The following MIGA1 variants were observed in gnomAD, a reference collection of about 807,000 sequenced individuals.
The protein encoded by MIGA1 is mitoguardin 1, also known as family with sequence similarity 73, member A.
MIGA1 carries 58 observed loss-of-function variants against 82.0 expected under a neutral mutation model. The ratio of observed to expected loss-of-function variants is 0.71; its 90% CI spans 0.57 to 0.88. The LOEUF (loss-of-function observed/expected upper bound fraction) is 0.88. Among genes scored for constraint, MIGA1 ranks in the 40% least tolerant of loss-of-function variants. The pLI is 0.00. For synonymous variants in MIGA1, 249 were observed against 253.6 expected, an observed-to-expected ratio of 0.98 and a Z score of 0.17; for missense variants, 751 against 749.1, an observed-to-expected ratio of 1.00 and a Z score of -0.03.
intron 7 of MIGA1, among the ~76,000 whole-genome samples, chr1:77,821,133 TA>T (rs35171376): frequency 0.59 from 85,907 of 146,386 alleles, 26,727 homozygotes; most frequent in Non-Finnish European, 0.7. Context: ...GACTCCGTCT[TA>T]AAAAAAAAAA....
At chr1:77,783,775 A>T (rs1432188367) in intron 2 of MIGA1, among the ~76,000 whole-genome samples, 1 of 152,092 alleles carries the variant, frequency 6.6e-6, no homozygotes, top group Admixed American at 6.6e-5. Flanking sequence ...AATATCCAGA[A>T]TTTTTTTCAT....
intron 14 of MIGA1, among the ~76,000 whole-genome samples, chr1:77,871,125 G>GGAAGGA (rs1553229462): frequency 1.2e-4 from 9 of 74,258 alleles, no homozygotes; most frequent in East Asian, 1.1e-3. Flanking sequence ...GAGAGGGAGA[G>GGAAGGA]GAGGGAGAGG....
chr1:77,828,857 G>C (rs971335206), intron 7 of MIGA1, among the ~76,000 whole-genome samples: 4 of 152,016 alleles, frequency 2.6e-5, no homozygotes, highest in African/African-American at 9.7e-5. Flanking sequence ...TGTATTTTTT[G>C]TAGACATGGG....
intron 7 of MIGA1, among the ~76,000 whole-genome samples, chr1:77,824,539 CAGTG>C (rs1250627275): frequency 6.6e-6 from 1 of 152,160 alleles, no homozygotes; most frequent in Non-Finnish European, 1.5e-5. Context: ...GCCTGAGAAA[CAGTG>C]AGACTCAGTC....
At chr1:77,790,354 C>T (rs1682361598) in intron 2 of MIGA1, among the ~76,000 whole-genome samples, 1 of 152,210 alleles carries the variant, frequency 6.6e-6, no homozygotes, top group Admixed American at 6.5e-5. Context: ...GCAAGCTCCG[C>T]CTCCCGGGTT....
chr1:77,860,938 T>C (rs1020026790), intron 11 of MIGA1: 7 of 287,732 alleles, frequency 2.4e-5, no homozygotes, highest in African/African-American at 1.6e-4. Context: ...CCTCACATAA[T>C]GTCTGCTATA....
In MIGA1 at chr1:77,863,872, T is replaced by C. The variant is rs750451718; in HGVS notation, c.1375-22T>C. 17 of 1,492,458 alleles carry C rather than the reference T, an allele frequency of 1.1e-5. No individual in the cohort carries two copies. The Admixed American group carries it at 3.8e-4, about 33-fold the overall frequency. 92.5% of individuals were successfully genotyped at this position (1,492,458 alleles called of 1,614,324 possible). ...AGCTCTATGTAATAATAATTTCTGT[T>C]TCAACTCATAATTTAATGCAGGTGA... On this transcript the variant is annotated intron_variant, in intron 12 of 15. Coordinates refer to ENST00000370791, the MANE Select transcript of MIGA1 (RefSeq NM_198549.4).
chr1:77,872,895 T>G (rs1470317219), intron 14 of MIGA1, 109 bp from the exon 15 acceptor site: 2 of 1,432,558 alleles, frequency 1.4e-6, no homozygotes, highest in East Asian at 4.5e-5. Flanking sequence ...AAACAAATTT[T>G]CTTAAACTCC....
intron 8 of MIGA1, among the ~76,000 whole-genome samples, chr1:77,845,367 C>G (rs1050346364): frequency 3.3e-5 from 5 of 152,132 alleles, no homozygotes; most frequent in African/African-American, 1.2e-4. Context: ...TTGCTATTCA[C>G]TTTGCACTTT....
intron 7 of MIGA1, 103 bp from the exon 8 acceptor site, chr1:77,843,204 C>G: frequency 1.3e-6 from 1 of 758,742 alleles, no homozygotes; most frequent in Non-Finnish European, 2.2e-6. Flanking sequence ...CACTAGTAGT[C>G]TAAATAAAGA....
At chr1:77,797,920 T>C (rs1682724882) in intron 2 of MIGA1, among the ~76,000 whole-genome samples, 2 of 152,232 alleles carry the variant, frequency 1.3e-5, no homozygotes, top group African/African-American at 4.8e-5. Context: ...CTTTCTAATA[T>C]GTATTCCTTT....
At chr1:77,781,867 G>T (rs534804073) in intron 1 of MIGA1, among the ~76,000 whole-genome samples, 1 of 152,150 alleles carries the variant, frequency 6.6e-6, no homozygotes. Flanking sequence ...CTTAATCAGT[G>T]GTTTTGACAC....
intron 2 of MIGA1, among the ~76,000 whole-genome samples, chr1:77,787,316 G>A: frequency 6.6e-6 from 1 of 151,812 alleles, no homozygotes; most frequent in East Asian, 1.9e-4. Flanking sequence ...ATGATGTTGA[G>A]CATCTTCTCA....
chr1:77,851,318 TG>T (rs1355246178), intron 8 of MIGA1, among the ~76,000 whole-genome samples: 5 of 152,216 alleles, frequency 3.3e-5, no homozygotes, highest in African/African-American at 1.2e-4. Context: ...TGTAGCCTTT[TG>T]GGAGAAGAAT....
At chr1:77,799,191 G>A (rs1274213108) in intron 2 of MIGA1, among the ~76,000 whole-genome samples, 1 of 152,062 alleles carries the variant, frequency 6.6e-6, no homozygotes, top group African/African-American at 2.4e-5. Context: ...GTCTGGCTTT[G>A]ATATTAACTG....
At chr1:77,796,479 G>T (rs1280691917) in intron 2 of MIGA1, among the ~76,000 whole-genome samples, 1 of 151,332 alleles carries the variant, frequency 6.6e-6, no homozygotes, top group Non-Finnish European at 1.5e-5. Context: ...CTGGAGTGCA[G>T]TGGTGCGATA....
rs1470998509 is a variant in MIGA1, at chr1:77,801,246, TTAAGAG to T, written c.196-80_196-75del. 7.6e-6 allele frequency: 7 copies of T among 925,386 alleles called. No individual in the cohort carries two copies. The African/African-American group carries it at 1.2e-4, about 16-fold the overall frequency. 57.3% of individuals were successfully genotyped at this position (925,386 alleles called of 1,614,324 possible). ...TGATAGTATTTAGAAATAGGTTAGA[TTAAGAG>T]TAAGTTTAGTTATTAGGTCCTTCTT... On this transcript the variant is annotated intron_variant, in intron 2 of 15. Coordinates refer to ENST00000370791, the MANE Select transcript of MIGA1 (RefSeq NM_198549.4).
At chr1:77,836,380 A>T (rs192174897) in intron 7 of MIGA1, among the ~76,000 whole-genome samples, 1 of 152,142 alleles carries the variant, frequency 6.6e-6, no homozygotes, top group Admixed American at 6.6e-5. Flanking sequence ...GGAGCAAAAA[A>T]TCAGATAAAT....
In MIGA1 at chr1:77,878,968, ATT is replaced by A. The variant is rs1233623435; in HGVS notation, c.*3907_*3908del. ...ATGTTTTCTTGCCTTAAAATGTAAC[ATT>A]TTCTACTTAAATTTAATTTCCAAGA... On this transcript the variant is annotated 3_prime_UTR_variant, in exon 16 of 16. Transcript: ENST00000370791. 1 of 304,152 alleles carries A rather than the reference ATT, an allele frequency of 3.3e-6. No homozygotes were observed. The highest frequency in any genetic ancestry group is 4.6e-5 in the East Asian group (1 of 21,520). The allele number at this position is 304,152 out of a possible 1,614,324, so 18.8% of individuals were successfully genotyped here. A position where few individuals can be genotyped will look rare whatever the true frequency, so the allele number is the denominator to read the frequency against.
Sources: allele counts gnomAD v4.1 joint callset (sites outside exome capture counted in the v4.1 genomes callset), GRCh38; gene constraint gnomAD v4.1.1; transcripts MANE v1.5; gene names NCBI Gene and HGNC (gene_info 2026-07-23, HGNC 2026-07-21).